SCAPER: variants seen among roughly 807,000 people sequenced by gnomAD.
The protein encoded by SCAPER is S-phase cyclin A associated protein in the ER, also known as S phase cyclin A-associated protein in the endoplasmic reticulum.
Under a neutral mutation model 182.2 loss-of-function variants are expected in SCAPER, and 98 were observed. The ratio of observed to expected loss-of-function variants is 0.54; its 90% confidence interval spans 0.46 to 0.64. SCAPER has a LOEUF of 0.64. Among genes scored for constraint, SCAPER ranks in the 30% least tolerant of loss-of-function variants. The pLI is 0.00. For synonymous variants in SCAPER, 605 were observed against 564.6 expected (o/e 1.07, Z -1.01); for missense variants, 1,432 against 1,690.0 (o/e 0.85, Z 2.68).
intron 3 of SCAPER, among the ~76,000 whole-genome samples, chr15:76,860,112 A>C (rs1000564032): frequency 2.0e-5 from 3 of 152,242 alleles, no homozygotes; most frequent in Non-Finnish European, 4.4e-5. Context: ...CGGGTTATGT[A>C]CAGATGTTTG....
At position 76,878,486 on chromosome 15, in the gene SCAPER, A is replaced by G. The variant is rs563172236; in HGVS notation, c.6+5326T>C. On this transcript the variant is annotated intron_variant, in intron 2 of 31. Transcript: ENST00000563290. ...TCATAAAGGAAAAATTTAATAACCAAGCTTCATTAAAATTAAGAACAGATC... is the reference window on the plus strand; with the variant it reads ...TCATAAAGGAAAAATTTAATAACCAGGCTTCATTAAAATTAAGAACAGATC... 2.6e-5 allele frequency among the ~76,000 whole-genome samples: 4 copies of G among 152,310 alleles called. No individual in the cohort carries two copies. The South Asian group carries it at 8.3e-4, about 32-fold the overall frequency.
chr15:76,486,003 C>A (rs2143068249), intron 24 of SCAPER, among the ~76,000 whole-genome samples: 1 of 152,216 alleles, frequency 6.6e-6, no homozygotes. Flanking sequence ...GTCAGGAGAG[C>A]AAGACCATCC....
At chr15:76,572,114 G>A (rs1004948389) in intron 23 of SCAPER, among the ~76,000 whole-genome samples, 3 of 152,118 alleles carry the variant, frequency 2.0e-5, no homozygotes, top group African/African-American at 4.8e-5. Flanking sequence ...TGGTATTTCA[G>A]TAAATTGCCC....
Position 76,353,971 on chromosome 15 carries a change from A to G in SCAPER, c.4025T>C (p.Val1342Ala). Residue 1342 changes from valine to alanine, a missense_variant, in exon 30 of 32, where the codon GTT becomes GCT. Around this residue, in one of 5 missense-constraint regions of SCAPER, gnomAD observed 718 missense variants for 799.7 expected, o/e 0.90. Transcript: ENST00000563290. ...KIILEQEMSC[V>A]LLATFIQDLA... The stretch of plus-strand genomic sequence containing the variant: ...TACCTGAATGAAAGTGGCCAGTAAA[A>G]CACAGCTCATCTCTTGCTCCAGAAT... 1 of 1,587,322 alleles carries G rather than the reference A, an allele frequency of 6.3e-7. No individual in the cohort carries two copies.
intron 29 of SCAPER, among the ~76,000 whole-genome samples, chr15:76,371,347 T>G (rs1379161791): frequency 6.6e-6 from 1 of 150,472 alleles, no homozygotes; most frequent in East Asian, 2.0e-4. Context: ...TGAAACGGAG[T>G]CTTGCTCTGT....
At chr15:76,822,266 G>A (rs1352632292) in intron 5 of SCAPER, among the ~76,000 whole-genome samples, 1 of 152,060 alleles carries the variant, frequency 6.6e-6, no homozygotes, top group Non-Finnish European at 1.5e-5. Flanking sequence ...GGGGGCAGGG[G>A]TTATATGGAA....
intron 27 of SCAPER, among the ~76,000 whole-genome samples, chr15:76,402,227 T>C (rs2044513189): frequency 6.6e-6 from 1 of 152,210 alleles, no homozygotes; most frequent in Admixed American, 6.5e-5. Flanking sequence ...ATTGTACTAC[T>C]GAACATTAGG....
At chr15:76,838,365 A>T (rs1233608318) in intron 5 of SCAPER, among the ~76,000 whole-genome samples, 4 of 152,194 alleles carry the variant, frequency 2.6e-5, no homozygotes, top group African/African-American at 9.7e-5. Context: ...GCACAGAAAC[A>T]AATATGAGAA....
At chr15:76,472,377 A>AT in intron 24 of SCAPER, 1 of 714,704 alleles carries the variant, frequency 1.4e-6, no homozygotes, top group Non-Finnish European at 2.5e-6. Context: ...AAGCGTGTGC[A>AT]TTTTTGGTGA....
chr15:76,574,384 T>C, intron 22 of SCAPER, 100 bp from the exon 23 acceptor site: 28 of 1,368,888 alleles, frequency 2.0e-5, no homozygotes, highest in Non-Finnish European at 2.8e-5. Context: ...CAGTATTGGA[T>C]TTGAAAATGC....
chr15:76,517,010 T>G (rs527658932), intron 23 of SCAPER, among the ~76,000 whole-genome samples: 6 of 152,218 alleles, frequency 3.9e-5, no homozygotes, highest in African/African-American at 1.2e-4. Context: ...AACAATCAGT[T>G]ACTTGCTCAA....
chr15:76,381,550 G>A lies in SCAPER; in HGVS notation c.3533C>T (p.Thr1178Ile). Reference protein sequence around the residue: ...PTGLTAALQATDLAGVLHMLY... With the variant: ...PTGLTAALQAIDLAGVLHMLY... The stretch of plus-strand genomic sequence containing the variant: ...CATATGAAGAACTCCAGCCAGGTCG[G>A]TTGCCTGAAGAGCAGCTGTCAGCCC... Residue 1178 changes from threonine to isoleucine, a missense_variant, in exon 28 of 32, where the codon ACC becomes ATC. Thr to Ile is a moderately conservative substitution (Grantham distance 89). Around this residue, in one of 5 missense-constraint regions of SCAPER, gnomAD observed 718 missense variants for 799.7 expected, o/e 0.90. Transcript: ENST00000563290. 1 of 1,611,684 alleles carries A rather than the reference G, an allele frequency of 6.2e-7. No individual in the cohort carries two copies. The highest frequency in any genetic ancestry group is 1.1e-5 in the South Asian group (1 of 90,520).
intron 22 of SCAPER, among the ~76,000 whole-genome samples, chr15:76,614,830 C>T (rs1270322815): frequency 6.6e-6 from 1 of 152,154 alleles, no homozygotes. Context: ...AAACCAACAG[C>T]TGGTTCTTCC....
intron 23 of SCAPER, among the ~76,000 whole-genome samples, chr15:76,543,295 T>C (rs989163380): frequency 3.3e-5 from 5 of 152,234 alleles, no homozygotes; most frequent in Non-Finnish European, 7.3e-5. Context: ...TACTGTGTTT[T>C]AGTACAGTTT....
intron 15 of SCAPER, among the ~76,000 whole-genome samples, chr15:76,752,754 T>C (rs978039696): frequency 2.6e-5 from 4 of 151,666 alleles, no homozygotes; most frequent in African/African-American, 4.8e-5. Context: ...TTAATGAGTA[T>C]AGAGTTTCAG....
chr15:76,703,088 T>C (rs1000418050), intron 18 of SCAPER, 86 bp from the exon 19 acceptor site: 2 of 1,392,038 alleles, frequency 1.4e-6, no homozygotes, highest in African/African-American at 2.9e-5. Flanking sequence ...CATTAAAACT[T>C]CAAAAATAAT....
At chr15:76,637,928 TTCTTTGGAGAAATGTCTATTCCC>T (rs1405029244) in intron 21 of SCAPER, among the ~76,000 whole-genome samples, 2 of 151,942 alleles carry the variant, frequency 1.3e-5, no homozygotes, top group Non-Finnish European at 2.9e-5. Flanking sequence ...TTTGTATGTC[TTCTTTGGAGAAATGTCTATTCCC>T]TCTTTGGAGA....
intron 22 of SCAPER, chr15:76,576,828 T>C (rs2047861596): frequency 6.6e-6 from 1 of 152,200 alleles, no homozygotes; most frequent in African/African-American, 2.4e-5. Context: ...ACAATTCAGC[T>C]GGCCCCCACA....
At chr15:76,661,950 G>A (rs1367445204) in intron 21 of SCAPER, among the ~76,000 whole-genome samples, 2 of 152,164 alleles carry the variant, frequency 1.3e-5, no homozygotes, top group Non-Finnish European at 2.9e-5. Flanking sequence ...ATCAATGATA[G>A]ACTGAATAAA....
Sources: allele counts gnomAD v4.1 joint callset (sites outside exome capture counted in the v4.1 genomes callset), GRCh38; gene constraint gnomAD v4.1.1; regional missense constraint gnomAD v4.1.1; transcripts MANE v1.5; gene names NCBI Gene and HGNC (gene_info 2026-07-23, HGNC 2026-07-21).